Variants in PRKN observed in about 807,000 individuals in gnomAD.
PRKN encodes parkin RBR E3 ubiquitin protein ligase.
Under a neutral mutation model 59.5 loss-of-function variants are expected in PRKN, and 56 were observed. The ratio of observed to expected loss-of-function variants is 0.94; its 90% CI spans 0.76 to 1.18. The LOEUF (loss-of-function observed/expected upper bound fraction) is 1.18. PRKN is among the 50% of genes most tolerant of loss of function. The pLI, the probability that PRKN is intolerant of heterozygous loss-of-function variation, is 0.00. For missense variants in PRKN, 657 were observed against 596.4 expected, an observed-to-expected ratio of 1.10 and a Z score of -1.06; for synonymous variants, 250 against 222.1, an observed-to-expected ratio of 1.13 and a Z score of -1.12.
chr6:162,679,085 T>TA (rs1344281065), intron 1 of PRKN, among the ~76,000 whole-genome samples: 1 of 147,616 alleles, frequency 6.8e-6, no homozygotes, highest in African/African-American at 2.5e-5. Context: ...TTTATTTATT[T>TA]ATTTATTTAT....
At position 161,401,544 on chromosome 6, in the gene PRKN, C is replaced by A. The variant is rs1468809616; in HGVS notation, c.1084-14667G>T. On this transcript the variant is annotated intron_variant, in intron 9 of 11. Coordinates refer to ENST00000366898, the MANE Select transcript of PRKN (RefSeq NM_004562.3). The surrounding 1 kb of genome is among the most constrained non-coding windows in gnomAD (Gnocchi z 4.4). ...AGGAGAATTGCTTGAACCCAGGAGG[C>A]GGAGGCTGCAGTGAGCCGAGATTGT... 6.6e-6 allele frequency among the ~76,000 whole-genome samples: 1 copy of A among 151,774 alleles called. No homozygotes were observed. The highest frequency in any genetic ancestry group is 1.5e-5 in the Non-Finnish European group (1 of 67,972).
chr6:162,129,522 G>T (rs1781256972), intron 4 of PRKN, among the ~76,000 whole-genome samples: 1 of 152,232 alleles, frequency 6.6e-6, no homozygotes, highest in African/African-American at 2.4e-5. Flanking sequence ...TAGTCAGCAT[G>T]CAAGGAAAAT....
intron 6 of PRKN, among the ~76,000 whole-genome samples, chr6:161,907,376 A>C (rs1778189342): frequency 6.6e-6 from 1 of 152,188 alleles, no homozygotes; most frequent in Admixed American, 6.5e-5. Flanking sequence ...TGTTGAGGCA[A>C]TCAGCATCTC....
At position 161,730,765 on chromosome 6, in the gene PRKN, T is replaced by C. The variant is rs188852965; in HGVS notation, c.871+55007A>G. Among the ~76,000 whole-genome samples the C allele has an allele frequency of 6.5e-4, 97 of 149,192 alleles. 1 individual carries two copies. Among genetic ancestry groups the C allele is most frequent in the South Asian group, 1.5e-3 (7 of 4,576 alleles). Reference sequence around the variant, plus strand: ...TGATATATTGCATTCTGATGTGTTGTATTCTTTCTGGTGTGTTGCATTCTG... The same window carrying C: ...TGATATATTGCATTCTGATGTGTTGCATTCTTTCTGGTGTGTTGCATTCTG... On this transcript the variant is annotated intron_variant, in intron 7 of 11. Transcript: ENST00000366898.
chr6:161,925,474 G>C (rs1778935014), intron 6 of PRKN, among the ~76,000 whole-genome samples: 1 of 152,164 alleles, frequency 6.6e-6, no homozygotes, highest in African/African-American at 2.4e-5. Context: ...AGGAGGCTGA[G>C]GTAAGAGAAT....
intron 7 of PRKN, among the ~76,000 whole-genome samples, chr6:161,650,987 T>C (rs1003459174): frequency 2.6e-5 from 4 of 152,228 alleles, no homozygotes; most frequent in African/African-American, 4.8e-5. Context: ...TATATTATAA[T>C]CTCCTTTGTG....
At chr6:162,026,041 T>G (rs1783422538) in intron 5 of PRKN, among the ~76,000 whole-genome samples, 1 of 152,176 alleles carries the variant, frequency 6.6e-6, no homozygotes, top group African/African-American at 2.4e-5. Context: ...TCGCAGGTCC[T>G]GTCAAATGAA....
At position 162,231,700 on chromosome 6, in the gene PRKN, G is replaced by A. The variant is rs148659962; in HGVS notation, c.413-30448C>T. 6.1e-3 allele frequency among the ~76,000 whole-genome samples: 924 copies of A among 152,274 alleles called. 33 individuals carry two copies. The highest frequency in any genetic ancestry group is 0.052 in the Admixed American group (797 of 15,300). The stretch of plus-strand genomic sequence containing the variant: ...TAATCCCATTCAATAGGTTAATACC[G>A]AATATGCTGAGGTTTTGGTATTGTG... On this transcript the variant is annotated intron_variant, in intron 3 of 11. Transcript: ENST00000366898.
At chr6:162,685,102 C>G (rs572834238) in intron 1 of PRKN, among the ~76,000 whole-genome samples, 1 of 152,254 alleles carries the variant, frequency 6.6e-6, no homozygotes, top group African/African-American at 2.4e-5. Flanking sequence ...AGACCTTGGG[C>G]AAATTACTTT....
chr6:161,564,124 T>A (rs1000328411), intron 8 of PRKN, among the ~76,000 whole-genome samples: 9 of 152,162 alleles, frequency 5.9e-5, no homozygotes, highest in Non-Finnish European at 7.4e-5. Context: ...TCCAGTGAGA[T>A]CCCAAGAGTT....
chr6:162,136,467 C>T (rs1392538434), intron 4 of PRKN, among the ~76,000 whole-genome samples: 1 of 152,144 alleles, frequency 6.6e-6, no homozygotes, highest in Non-Finnish European at 1.5e-5. Context: ...TAATACACTG[C>T]TAAGCGATAT....
chr6:161,803,005 G>A (rs959361658), intron 6 of PRKN, among the ~76,000 whole-genome samples: 1 of 152,086 alleles, frequency 6.6e-6, no homozygotes, highest in Admixed American at 6.6e-5. Context: ...TTTATACCTG[G>A]AAACAGGAGA....
At chr6:162,556,366 T>TGTGC (rs1554243443) in intron 1 of PRKN, among the ~76,000 whole-genome samples, 3 of 98,298 alleles carry the variant, frequency 3.1e-5, no homozygotes, top group African/African-American at 3.0e-5. Flanking sequence ...TGTGTGTGTG[T>TGTGC]GTGTGTGTGT....
chr6:162,235,997 G>GA (rs1195437488), intron 3 of PRKN, among the ~76,000 whole-genome samples: 3 of 136,892 alleles, frequency 2.2e-5, no homozygotes, highest in South Asian at 2.5e-4. Context: ...AAGAAAGAAA[G>GA]AAAGAAAGAA....
chr6:162,223,885 T>C (rs559528557), intron 3 of PRKN, among the ~76,000 whole-genome samples: 1 of 152,128 alleles, frequency 6.6e-6, no homozygotes, highest in Admixed American at 6.6e-5. Context: ...ATAGGAATCA[T>C]ATGAGATAAA....
chr6:161,514,401 C>T (rs931240718), intron 9 of PRKN, among the ~76,000 whole-genome samples: 4 of 151,918 alleles, frequency 2.6e-5, no homozygotes, highest in Admixed American at 2.6e-4. Flanking sequence ...GGACTCTGAA[C>T]AGTTTTTTGG....
chr6:162,073,119 A>T (rs1466017050), intron 4 of PRKN, among the ~76,000 whole-genome samples: 2 of 152,238 alleles, frequency 1.3e-5, no homozygotes, highest in Non-Finnish European at 2.9e-5. Context: ...AAACCATTGA[A>T]GCTACAGCAA....
chr6:162,262,896 G>T, intron 2 of PRKN, 131 bp from the exon 3 acceptor site: 1 of 1,152,384 alleles, frequency 8.7e-7, no homozygotes, highest in Non-Finnish European at 1.2e-6. Flanking sequence ...CAACTTAGGT[G>T]CTCCTTTGCC....
intron 6 of PRKN, among the ~76,000 whole-genome samples, chr6:161,915,420 T>A (rs1295919843): frequency 6.6e-6 from 1 of 152,262 alleles, no homozygotes; most frequent in Admixed American, 6.5e-5. Context: ...AACCCTCACA[T>A]CAAGACACTT....
Sources: gnomAD v4.1 joint callset for allele counts (sites outside exome capture counted in the v4.1 genomes callset) on GRCh38, gnomAD v4.1.1 for gene constraint, Gnocchi (gnomAD v3.1) non-coding constraint, MANE v1.5 for transcripts, NCBI Gene and HGNC (gene_info 2026-07-23, HGNC 2026-07-21) for gene names.